ANKS1B: variants seen among roughly 807,000 people sequenced by gnomAD.
The protein encoded by ANKS1B is ankyrin repeat and sterile alpha motif domain-containing protein 1B.
ANKS1B carries 36 observed loss-of-function variants against 148.3 expected under a neutral mutation model. The ratio of observed to expected loss-of-function variants is 0.24; its 90% CI spans 0.19 to 0.32. The LOEUF is 0.32. ANKS1B is among the 10% of genes least tolerant of loss of function. The pLI is 1.00. For missense variants in ANKS1B, 1,157 were observed against 1,542.6 expected (o/e 0.75, Z 4.19); for synonymous variants, 542 against 560.8 (o/e 0.97, Z 0.47).
chr12:99,163,505 T>TG (rs770968774), intron 14 of ANKS1B, among the ~76,000 whole-genome samples: 3,830 of 76,000 alleles, frequency 0.05, 64 homozygotes, highest in African/African-American at 0.067. Flanking sequence ...GTGTGTGTGT[T>TG]TAGTTCTGTA....
intron 14 of ANKS1B, among the ~76,000 whole-genome samples, chr12:99,220,131 C>T (rs976653873): frequency 6.6e-6 from 1 of 152,098 alleles, no homozygotes; most frequent in African/African-American, 2.4e-5. Flanking sequence ...TCCAGAGTAG[C>T]TGAGATTAAA....
At chr12:99,209,624 A>G (rs2153909259) in intron 14 of ANKS1B, among the ~76,000 whole-genome samples, 1 of 152,316 alleles carries the variant, frequency 6.6e-6, no homozygotes, top group East Asian at 1.9e-4. Context: ...CCAATATTGT[A>G]ACCAGAGACA....
At chr12:99,126,457 G>A (rs1183640122) in intron 15 of ANKS1B, among the ~76,000 whole-genome samples, 4 of 152,160 alleles carry the variant, frequency 2.6e-5, no homozygotes, top group East Asian at 3.9e-4. Context: ...GTGCAATTCC[G>A]TAAAATATTC....
intron 12 of ANKS1B, among the ~76,000 whole-genome samples, chr12:99,325,931 C>T (rs28859649): frequency 0.078 from 11,780 of 151,988 alleles, 1,080 homozygotes; most frequent in African/African-American, 0.22. Context: ...CAGCATGGCT[C>T]GGAGGCCTCA....
intron 14 of ANKS1B, among the ~76,000 whole-genome samples, chr12:99,169,202 G>A (rs2077500431): frequency 6.6e-6 from 1 of 152,124 alleles, no homozygotes; most frequent in Non-Finnish European, 1.5e-5. Flanking sequence ...TTAGAGAAAT[G>A]TCCTTTGAGA....
intron 15 of ANKS1B, among the ~76,000 whole-genome samples, chr12:99,133,480 C>G (rs1054840857): frequency 1.4e-4 from 22 of 152,166 alleles, no homozygotes; most frequent in Admixed American, 1.0e-3. Flanking sequence ...TTTCAAGAAG[C>G]CTGTGGTGTT....
At position 98,786,585 on chromosome 12, in the gene ANKS1B, T is replaced by C. The variant is rs144946350; in HGVS notation, c.3343-4448A>G. Among the ~76,000 whole-genome samples the C allele has an allele frequency of 7.2e-5, 11 of 152,306 alleles. No individual in the cohort carries two copies. In the East Asian group the frequency reaches 1.7e-3, roughly 24 times the overall value. ...AAAGCATGTTCTGAAAATAAGTAGG[T>C]TTTCTATTTTGAATGCAGAATCAGT... On this transcript the variant is annotated intron_variant, in intron 22 of 26. Coordinates refer to ENST00000683438, the MANE Select transcript of ANKS1B (RefSeq NM_001352186.2).
At chr12:99,933,734 TTTCTC>T (rs533508185) in intron 1 of ANKS1B, among the ~76,000 whole-genome samples, 67 of 152,302 alleles carry the variant, frequency 4.4e-4, no homozygotes, top group African/African-American at 1.5e-3. Flanking sequence ...TCTTTCTTTC[TTTCTC>T]TTGTCTGATT....
At chr12:99,092,654 G>A (rs550787299) in intron 15 of ANKS1B, among the ~76,000 whole-genome samples, 73 of 152,232 alleles carry the variant, frequency 4.8e-4, no homozygotes, top group Middle Eastern at 3.4e-3. Context: ...GCCCTTGTAC[G>A]TTCATCAAGC....
At chr12:98,961,549 CA>C (rs143577216) in intron 17 of ANKS1B, among the ~76,000 whole-genome samples, 5,077 of 152,042 alleles carry the variant, frequency 0.033, 212 homozygotes, top group African/African-American at 0.097. Context: ...TCTGAAGGTG[CA>C]AAAAACTCAC....
At chr12:99,414,076 C>G (rs191704820) in intron 11 of ANKS1B, among the ~76,000 whole-genome samples, 5 of 152,070 alleles carry the variant, frequency 3.3e-5, no homozygotes, top group Non-Finnish European at 7.4e-5. Context: ...TCTCTGAGGT[C>G]CTCTGAACAC....
intron 20 of ANKS1B, among the ~76,000 whole-genome samples, chr12:98,802,483 G>A (rs2099011798): frequency 6.6e-6 from 1 of 151,848 alleles, no homozygotes; most frequent in Non-Finnish European, 1.5e-5. Context: ...TTTTGGGGAG[G>A]AGAACTAGCT....
At chr12:99,191,839 TAATAAAAG>T (rs1026446271) in intron 14 of ANKS1B, among the ~76,000 whole-genome samples, 1 of 151,894 alleles carries the variant, frequency 6.6e-6, no homozygotes, top group Non-Finnish European at 1.5e-5. Context: ...ACTTAAAGTA[TAATAAAAG>T]AATTGGCTGG....
At chr12:98,890,512 TAC>T (rs1246379826) in intron 17 of ANKS1B, among the ~76,000 whole-genome samples, 1 of 152,188 alleles carries the variant, frequency 6.6e-6, no homozygotes, top group East Asian at 1.9e-4. Flanking sequence ...GGCTTATTTT[TAC>T]AGTTACATTT....
chr12:99,092,410 A>G (rs2054338652), intron 15 of ANKS1B, among the ~76,000 whole-genome samples: 1 of 148,678 alleles, frequency 6.7e-6, no homozygotes. Context: ...AGAAGCGGAG[A>G]TGAAAGGAAA....
chr12:98,866,357 G>T (rs1027038159), intron 17 of ANKS1B, among the ~76,000 whole-genome samples: 2 of 152,150 alleles, frequency 1.3e-5, no homozygotes, highest in Non-Finnish European at 2.9e-5. Flanking sequence ...TTCCTAAGTG[G>T]TTTTCTTATA....
At chr12:99,372,105 T>A (rs750644653) in intron 12 of ANKS1B, among the ~76,000 whole-genome samples, 1 of 151,996 alleles carries the variant, frequency 6.6e-6, no homozygotes. Context: ...ACACCAAGAG[T>A]GAACTCTACT....
intron 17 of ANKS1B, among the ~76,000 whole-genome samples, chr12:98,915,050 G>T (rs1210197269): frequency 6.6e-6 from 1 of 152,070 alleles, no homozygotes; most frequent in African/African-American, 2.4e-5. Context: ...AACTTGTTAT[G>T]GGTTGAATTA....
intron 24 of ANKS1B, among the ~76,000 whole-genome samples, chr12:98,776,140 G>T (rs940916664): frequency 6.6e-6 from 1 of 152,218 alleles, no homozygotes; most frequent in African/African-American, 2.4e-5. Context: ...GAATGGTGAA[G>T]CCAGTTCTCT....
Sources: allele counts gnomAD v4.1 joint callset (sites outside exome capture counted in the v4.1 genomes callset), GRCh38; gene constraint gnomAD v4.1.1; transcripts MANE v1.5; gene names NCBI Gene and HGNC (gene_info 2026-07-23, HGNC 2026-07-21).